The following SGCZ variants were observed in gnomAD, a reference collection of about 807,000 sequenced individuals.
SGCZ encodes zeta-sarcoglycan.
SGCZ carries 40 observed loss-of-function variants against 41.3 expected under a neutral mutation model. That is an observed-to-expected ratio of 0.97 (90% CI 0.75 to 1.26). The LOEUF (loss-of-function observed/expected upper bound fraction) is 1.26, where lower values mean the gene tolerates loss of function less well. Among genes scored for constraint, SGCZ ranks in the 50% most tolerant of loss-of-function variants. The pLI is 0.00. For missense variants in SGCZ, 552 were observed against 369.8 expected (o/e 1.49, Z -4.04); for synonymous variants, 206 against 137.5 (o/e 1.50, Z -3.49).
intron 1 of SGCZ, among the ~76,000 whole-genome samples, chr8:14,707,097 C>A (rs143847315): frequency 0.018 from 2,666 of 150,826 alleles, 34 homozygotes; most frequent in South Asian, 0.067. Context: ...AGGTTTGTTG[C>A]ATATATATAC....
intron 1 of SGCZ, among the ~76,000 whole-genome samples, chr8:14,664,302 AAC>A (rs1267748931): frequency 5.3e-5 from 8 of 152,204 alleles, no homozygotes; most frequent in African/African-American, 2.4e-5. Context: ...GCCAATCACA[AAC>A]ACAGTTTGCT....
intron 1 of SGCZ, among the ~76,000 whole-genome samples, chr8:14,654,108 C>CAT (rs571752982): frequency 8.4e-4 from 127 of 150,898 alleles, no homozygotes; most frequent in African/African-American, 1.1e-3. Flanking sequence ...ATAACTTTTG[C>CAT]ATATATATAT....
Position 14,753,211 on chromosome 8 carries a change from G to A in SGCZ, c.40-198285C>T, listed in dbSNP as rs76869056. ...CACCATTATCTCTCTGTCTTACGGA[G>A]CTAAATTAACACACTTTTCTCTAAA... On this transcript the variant is annotated intron_variant, in intron 1 of 7. Coordinates refer to ENST00000382080, the MANE Select transcript of SGCZ (RefSeq NM_139167.4). Among the ~76,000 whole-genome samples the A allele has an allele frequency of 5.3e-3, 801 of 152,126 alleles. 3 individuals are homozygous for A. The highest frequency in any genetic ancestry group is 9.5e-3 in the Non-Finnish European group (649 of 67,994).
chr8:14,246,196 C>A (rs1352904478), intron 3 of SGCZ, among the ~76,000 whole-genome samples: 1 of 152,240 alleles, frequency 6.6e-6, no homozygotes, highest in African/African-American at 2.4e-5. Context: ...TGGAACCAAA[C>A]CAAATGTCCA....
At chr8:15,195,928 C>A (rs1452400589) in intron 1 of SGCZ, among the ~76,000 whole-genome samples, 1 of 109,684 alleles carries the variant, frequency 9.1e-6, no homozygotes, top group South Asian at 3.0e-4. Context: ...GACGGAGTCT[C>A]GCTCTGTCGC....
At chr8:14,267,959 C>T (rs1799931367) in intron 3 of SGCZ, among the ~76,000 whole-genome samples, 1 of 151,700 alleles carries the variant, frequency 6.6e-6, no homozygotes, top group Admixed American at 6.6e-5. Context: ...TTAGTCTATT[C>T]AAAATTGGTC....
intron 3 of SGCZ, among the ~76,000 whole-genome samples, chr8:14,306,466 GA>G (rs1430999456): frequency 6.6e-6 from 1 of 152,080 alleles, no homozygotes; most frequent in Non-Finnish European, 1.5e-5. Context: ...CATTCTACTA[GA>G]TTGGATTATT....
chr8:14,951,435 T>C lies in SGCZ; in HGVS notation c.39+286150A>G, dbSNP rs1800634673. Reference sequence around the variant, plus strand: ...AGGAAGGAAAGAGGCTATTTTTACATACTGACCATAATAACTTATTCTTAA... The same window carrying C: ...AGGAAGGAAAGAGGCTATTTTTACACACTGACCATAATAACTTATTCTTAA... On this transcript the variant is annotated intron_variant, in intron 1 of 7. Coordinates refer to ENST00000382080, the MANE Select transcript of SGCZ (RefSeq NM_139167.4). Among the ~76,000 whole-genome samples the C allele has an allele frequency of 1.3e-5, 2 of 152,044 alleles. 1 individual carries two copies. Among genetic ancestry groups the C allele is most frequent in the East Asian group, 3.9e-4 (2 of 5,190 alleles).
chr8:14,608,017 T>C (rs549323579), intron 1 of SGCZ, among the ~76,000 whole-genome samples: 14 of 152,306 alleles, frequency 9.2e-5, no homozygotes, highest in African/African-American at 3.1e-4. Flanking sequence ...ATTTTCAGAA[T>C]GAGAAGTAAG....
intron 1 of SGCZ, among the ~76,000 whole-genome samples, chr8:15,041,803 A>C (rs1351261786): frequency 6.6e-6 from 1 of 151,358 alleles, no homozygotes; most frequent in Non-Finnish European, 1.5e-5. Flanking sequence ...CATTGCAATG[A>C]AATATGTAAA....
At chr8:14,791,420 T>C (rs751257408) in intron 1 of SGCZ, among the ~76,000 whole-genome samples, 2 of 151,874 alleles carry the variant, frequency 1.3e-5, no homozygotes, top group Non-Finnish European at 2.9e-5. Context: ...AGCAGCTAAC[T>C]GGTATGCTGA....
chr8:14,238,957 G>C (rs1180464067), intron 3 of SGCZ, among the ~76,000 whole-genome samples: 1 of 151,232 alleles, frequency 6.6e-6, no homozygotes, highest in Non-Finnish European at 1.5e-5. Flanking sequence ...TTGGTGATTT[G>C]GAGATATATA....
chr8:14,641,611 C>A (rs1346635830), intron 1 of SGCZ, among the ~76,000 whole-genome samples: 1 of 151,586 alleles, frequency 6.6e-6, no homozygotes, highest in African/African-American at 2.4e-5. Context: ...CCAAATATTA[C>A]TCAAGTATTA....
At chr8:14,293,607 C>A (rs1244195958) in intron 3 of SGCZ, among the ~76,000 whole-genome samples, 3 of 151,908 alleles carry the variant, frequency 2.0e-5, no homozygotes, top group Middle Eastern at 3.4e-3. Context: ...AATGTAAGCT[C>A]AAAAATTCTC....
At chr8:14,462,261 A>C (rs1033287599) in intron 2 of SGCZ, among the ~76,000 whole-genome samples, 3 of 151,996 alleles carry the variant, frequency 2.0e-5, no homozygotes, top group Non-Finnish European at 4.4e-5. Context: ...AATGGAAAAA[A>C]CATATAGAGG....
chr8:14,282,814 T>C (rs1436232989), intron 3 of SGCZ, among the ~76,000 whole-genome samples: 1 of 150,944 alleles, frequency 6.6e-6, no homozygotes, highest in African/African-American at 2.4e-5. Context: ...TTTGTTTTTC[T>C]AGTTAATCAT....
chr8:14,398,340 G>T (rs1445000776), intron 2 of SGCZ, among the ~76,000 whole-genome samples: 3 of 152,226 alleles, frequency 2.0e-5, no homozygotes, highest in South Asian at 2.1e-4. Context: ...CACCTTGAAG[G>T]TGTCCTGATT....
intron 1 of SGCZ, among the ~76,000 whole-genome samples, chr8:14,783,497 A>C (rs1033458791): frequency 6.6e-6 from 1 of 152,100 alleles, no homozygotes; most frequent in African/African-American, 2.4e-5. Flanking sequence ...CAGAAGAAAA[A>C]CAAAAGCACA....
chr8:14,446,987 T>C (rs1197120314), intron 2 of SGCZ, among the ~76,000 whole-genome samples: 1 of 152,210 alleles, frequency 6.6e-6, no homozygotes, highest in African/African-American at 2.4e-5. Context: ...CTTTAGATCT[T>C]TGAAAGTAAT....
Sources: gnomAD v4.1 joint callset for allele counts (sites outside exome capture counted in the v4.1 genomes callset) on GRCh38, gnomAD v4.1.1 for gene constraint, MANE v1.5 for transcripts, NCBI Gene and HGNC (gene_info 2026-07-23, HGNC 2026-07-21) for gene names.